The following KIF13B variants were observed in gnomAD, a reference collection of about 807,000 sequenced individuals.
KIF13B encodes the protein kinesin-like protein KIF13B.
KIF13B carries 127 observed loss-of-function variants against 222.0 expected under a neutral mutation model. That is an observed-to-expected ratio of 0.57 (90% CI 0.50 to 0.66). The LOEUF (loss-of-function observed/expected upper bound fraction) is 0.66, where lower values mean the gene tolerates loss of function less well. Among genes scored for constraint, KIF13B ranks in the 30% least tolerant of loss-of-function variants. The pLI, the probability that KIF13B is intolerant of heterozygous loss-of-function variation, is 0.00. For missense variants in KIF13B, 2,173 were observed against 2,379.0 expected (o/e 0.91, Z 1.80); for synonymous variants, 976 against 919.0 (o/e 1.06, Z -1.12).
intron 12 of KIF13B, among the ~76,000 whole-genome samples, chr8:29,165,153 C>A (rs1315951133): frequency 6.6e-6 from 1 of 152,100 alleles, no homozygotes; most frequent in African/African-American, 2.4e-5. Flanking sequence ...CAGCCACCAC[C>A]CTACGATTTC....
At chr8:29,192,298 G>A (rs952155119) in intron 3 of KIF13B, among the ~76,000 whole-genome samples, 2 of 152,114 alleles carry the variant, frequency 1.3e-5, no homozygotes, top group Non-Finnish European at 2.9e-5. Flanking sequence ...CCCATTAGTC[G>A]GCAAGAGTTG....
chr8:29,180,817 T>A (rs1812681256), intron 7 of KIF13B, among the ~76,000 whole-genome samples: 3 of 152,190 alleles, frequency 2.0e-5, no homozygotes, highest in Admixed American at 2.0e-4. Flanking sequence ...ATTTTCTTTT[T>A]TTTTTTTAAT....
At chr8:29,119,376 T>C (rs879490558) in intron 29 of KIF13B, among the ~76,000 whole-genome samples, 1 of 152,134 alleles carries the variant, frequency 6.6e-6, no homozygotes, top group Non-Finnish European at 1.5e-5. Context: ...GACAGCAACA[T>C]TCACCAGAAG....
At position 29,180,163 on chromosome 8, in the gene KIF13B, G is replaced by A. The variant is rs757547963; in HGVS notation, c.661C>T (p.Arg221Ter). The A allele has an allele frequency of 1.9e-6, 3 of 1,613,782 alleles. No individual in the cohort carries two copies. Among genetic ancestry groups the A allele is most frequent in the Admixed American group, 3.3e-5 (2 of 59,994 alleles). ...AATNMNEESS[R>*]SHAVFKITLT... ...GTGATTTTGAAAACTGCATGGGATC[G>A]GCTACTCTCCTCGTTCATGTTGGTT... is the stretch of plus-strand genomic sequence containing the variant. Residue 221 changes from arginine (R) to a stop codon, truncating the protein, a stop_gained, in exon 8 of 40, where the codon CGA (arginine) becomes TGA (stop). Transcript: ENST00000524189. LOFTEE classifies it high-confidence loss of function.
In KIF13B at chr8:29,078,298, CA is replaced by C. The variant is rs35107118; in HGVS notation, c.4459-2956del. On this transcript the variant is annotated intron_variant, in intron 37 of 39. Transcript: ENST00000524189. Reference sequence around the variant, plus strand: ...GGCCAACAATAGCAAAACTCCATCTCAAAAAAAAAAAAAAAGAGAGAGGATT... The same window carrying C: ...GGCCAACAATAGCAAAACTCCATCTCAAAAAAAAAAAAAAGAGAGAGGATT... Among the ~76,000 whole-genome samples, 291 of 102,806 alleles carry C rather than the reference CA, an allele frequency of 2.8e-3. 3 individuals carry two copies. The highest frequency in any genetic ancestry group is 0.013 in the East Asian group (44 of 3,340). 67.4% of individuals were successfully genotyped at this position (102,806 alleles called of 152,430 possible).
At chr8:29,182,030 GATTTTTTAACA>G in intron 6 of KIF13B, 24 bp from the exon 7 acceptor site, 1 of 1,589,648 alleles carries the variant, frequency 6.3e-7, no homozygotes, top group Non-Finnish European at 8.6e-7. Flanking sequence ...ACAAAGAAAT[GATTTTTTAACA>G]ATAGCCTATT....
chr8:29,105,129 G>A (rs1270597804), intron 35 of KIF13B, among the ~76,000 whole-genome samples: 2 of 151,928 alleles, frequency 1.3e-5, no homozygotes, highest in Admixed American at 6.6e-5. Flanking sequence ...ATATTGCCTC[G>A]CTAATTTTTT....
upstream of KIF13B, chr8:29,263,097 G>A: frequency 4.4e-6 from 6 of 1,375,848 alleles, no homozygotes; most frequent in Admixed American, 2.1e-5. Flanking sequence ...ACTCTTCGGG[G>A]TTGACCCGGC....
At chr8:29,105,633 T>C (rs2133594619) in intron 35 of KIF13B, among the ~76,000 whole-genome samples, 1 of 145,392 alleles carries the variant, frequency 6.9e-6, no homozygotes, top group South Asian at 2.2e-4. Flanking sequence ...ATAAGGAAAC[T>C]GGGCAGAGTT....
chr8:29,072,003 G>T lies in KIF13B; in HGVS notation c.4835C>A (p.Pro1612Gln), dbSNP rs1807310835. The change falls in exon 39 of 40, where the codon CCG becomes CAG. Residue 1612 changes from proline to glutamine, a missense_variant. Physicochemically the swap from Pro to Gln is moderately conservative, Grantham distance 76. Around this residue, in one of 2 missense-constraint regions of KIF13B, gnomAD observed 693 missense variants for 656.2 expected, o/e 1.06. Transcript: ENST00000524189. ...CTCCTCGGCGGGGACGGCCGTGGGCGGTGGGGGGTGGCTGATGGGCGCCTC... is the reference window on the plus strand; with the variant it reads ...CTCCTCGGCGGGGACGGCCGTGGGCTGTGGGGGGTGGCTGATGGGCGCCTC... ...EPEAPISHPP[P>Q]PTAVPAEEPP... 2 of 1,291,774 alleles carry T rather than the reference G, an allele frequency of 1.5e-6. No homozygotes were observed. The highest frequency in any genetic ancestry group is 3.1e-5 in the African/African-American group (2 of 63,970). The allele number at this position is 1,291,774 out of a possible 1,614,324, so 80.0% of individuals were successfully genotyped here. A position where few individuals can be genotyped will look rare whatever the true frequency, so the allele number is the denominator to read the frequency against.
Position 29,072,086 on chromosome 8 carries a change from G to C in KIF13B, c.4752C>G (p.Pro1584=), listed in dbSNP as rs775806543. ...STATLSDALG[P]GLDAAAPPGS... ...CCGGCGGGGCCGCAGCGTCCAGGCC[G>C]GGGCCCAGGGCGTCCGACAGGGTCG... The change falls in exon 39 of 40, where the codon CCC becomes CCG. Residue 1584 remains proline, a synonymous_variant. Coordinates refer to ENST00000524189, the MANE Select transcript of KIF13B (RefSeq NM_015254.4). The C allele has an allele frequency of 1.6e-5, 21 of 1,341,462 alleles. No individual in the cohort carries two copies. The highest frequency in any genetic ancestry group is 2.7e-4 in the Middle Eastern group (1 of 3,644). The allele number at this position is 1,341,462 out of a possible 1,614,324, so 83.1% of individuals were successfully genotyped here.
rs13263819 is a variant in KIF13B at position 29,147,611 on chromosome 8, A to G, written c.1814-9T>C. 0.51 allele frequency: 809,412 copies of G among 1,587,200 alleles called. 215,241 individuals are homozygous for G. Among genetic ancestry groups the G allele is most frequent in the Non-Finnish European group, 0.56 (644,225 of 1,159,334 alleles). ...TATGGACTGCATCGGATCTAAACAC[A>G]TTTTTAAAAAAGATACATGATCGAG... On this transcript the variant is annotated splice_polypyrimidine_tract_variant and intron_variant, in intron 16 of 39. Transcript: ENST00000524189.
At chr8:29,159,967 G>A (rs1811701307) in intron 13 of KIF13B, among the ~76,000 whole-genome samples, 1 of 152,198 alleles carries the variant, frequency 6.6e-6, no homozygotes, top group South Asian at 2.1e-4. Flanking sequence ...ACCCACACAT[G>A]TGAGGGGAAA....
intron 2 of KIF13B, among the ~76,000 whole-genome samples, chr8:29,222,669 C>T (rs1487148878): frequency 6.6e-6 from 1 of 151,626 alleles, no homozygotes; most frequent in African/African-American, 2.4e-5. Context: ...AACTATATGG[C>T]TTACAAAAAG....
chr8:29,168,323 G>A (rs1812092029), intron 10 of KIF13B, among the ~76,000 whole-genome samples: 1 of 152,176 alleles, frequency 6.6e-6, no homozygotes, highest in Non-Finnish European at 1.5e-5. Context: ...CCTCACTTGA[G>A]AACATTAAAA....
chr8:29,128,904 T>G (rs1016645795), intron 24 of KIF13B, among the ~76,000 whole-genome samples: 1 of 152,180 alleles, frequency 6.6e-6, no homozygotes, highest in African/African-American at 2.4e-5. Context: ...CATATTAGAC[T>G]CAAATGAGCC....
intron 36 of KIF13B, among the ~76,000 whole-genome samples, chr8:29,095,781 A>C (rs1362888887): frequency 6.6e-6 from 1 of 151,894 alleles, no homozygotes; most frequent in Non-Finnish European, 1.5e-5. Context: ...AAAACAAAAC[A>C]AAACAAAACA....
At chr8:29,167,202 T>G (rs962412704) in intron 11 of KIF13B, among the ~76,000 whole-genome samples, 171 bp downstream of exon 11, 1 of 152,252 alleles carries the variant, frequency 6.6e-6, no homozygotes, top group Non-Finnish European at 1.5e-5. Context: ...TTTGGAATTC[T>G]AATATGACAA....
At chr8:29,131,148 A>G (rs906433081) in intron 23 of KIF13B, among the ~76,000 whole-genome samples, 32 of 152,138 alleles carry the variant, frequency 2.1e-4, no homozygotes, top group Admixed American at 2.1e-3. Context: ...AGATAGCAAC[A>G]ACAGACACTG....
Sources: gnomAD v4.1 joint callset for allele counts (sites outside exome capture counted in the v4.1 genomes callset) on GRCh38, gnomAD v4.1.1 for gene constraint, gnomAD v4.1.1 regional missense constraint, MANE v1.5 for transcripts, NCBI Gene and HGNC (gene_info 2026-07-23, HGNC 2026-07-21) for gene names.